The following EXOC4 variants were observed in gnomAD, a reference collection of about 807,000 sequenced individuals.
EXOC4 encodes SEC8-like 1.
In EXOC4, 71 loss-of-function variants were observed where a neutral mutation model predicts 107.2. The ratio of observed to expected loss-of-function variants is 0.66; its 90% CI spans 0.55 to 0.81. The LOEUF (loss-of-function observed/expected upper bound fraction) is 0.81, where lower values mean the gene tolerates loss of function less well. Among genes scored for constraint, EXOC4 ranks in the 30% least tolerant of loss-of-function variants. The pLI is 0.00. For synonymous variants in EXOC4, 456 were observed against 441.2 expected (o/e 1.03, Z -0.42); for missense variants, 1,108 against 1,189.6 (o/e 0.93, Z 1.01).
intron 9 of EXOC4, among the ~76,000 whole-genome samples, chr7:133,517,661 A>G (rs1799902967): frequency 1.3e-5 from 2 of 150,058 alleles, no homozygotes; most frequent in Non-Finnish European, 3.0e-5. Context: ...TCACTATCAT[A>G]AGAATAGCAT....
At chr7:133,787,982 T>A in intron 10 of EXOC4, among the ~76,000 whole-genome samples, 1 of 87,028 alleles carries the variant, frequency 1.1e-5, no homozygotes, top group African/African-American at 5.1e-5. Context: ...TATATATATA[T>A]ATATATATAT....
chr7:133,949,684 A>G lies in EXOC4; in HGVS notation c.2206+11615A>G, dbSNP rs1196531930. ...TGTGCCACAATTATCACTAATTTAAAAACAGTCCCTCTAATAGAGTATTTT... is the reference window on the plus strand; with the variant it reads ...TGTGCCACAATTATCACTAATTTAAGAACAGTCCCTCTAATAGAGTATTTT... On this transcript the variant is annotated intron_variant, in intron 14 of 17. Transcript: ENST00000253861. Among the ~76,000 whole-genome samples, 3 of 152,134 alleles carry G rather than the reference A, an allele frequency of 2.0e-5. No individual in the cohort carries two copies. In the South Asian group the frequency reaches 6.2e-4, roughly 32 times the overall value.
chr7:133,537,302 C>CCT (rs1800290803), intron 9 of EXOC4, among the ~76,000 whole-genome samples: 2 of 148,888 alleles, frequency 1.3e-5, no homozygotes, highest in Middle Eastern at 3.5e-3. Flanking sequence ...AGGCACCCCC[C>CCT]CCCCCACCAC....
intron 10 of EXOC4, among the ~76,000 whole-genome samples, chr7:133,803,902 C>T (rs1453758221): frequency 6.6e-6 from 1 of 152,072 alleles, no homozygotes; most frequent in Non-Finnish European, 1.5e-5. Context: ...CTTGAAGGAA[C>T]AAAGAACTGT....
At chr7:133,521,189 C>A (rs1456403936) in intron 9 of EXOC4, among the ~76,000 whole-genome samples, 1 of 152,100 alleles carries the variant, frequency 6.6e-6, no homozygotes, top group Non-Finnish European at 1.5e-5. Context: ...TCTAGAGCTG[C>A]TTTATGCTAT....
intron 7 of EXOC4, among the ~76,000 whole-genome samples, chr7:133,441,002 G>GGTC (rs201021823): frequency 0.85 from 128,893 of 151,642 alleles, 55,109 homozygotes; most frequent in East Asian, 0.95. Flanking sequence ...TCTCTTGGAT[G>GGTC]TGGATCAGGA....
chr7:133,824,120 T>C (rs1797641525), intron 11 of EXOC4, among the ~76,000 whole-genome samples: 1 of 150,736 alleles, frequency 6.6e-6, no homozygotes, highest in Non-Finnish European at 1.5e-5. Flanking sequence ...TGTACCTATT[T>C]CTTCCCCTAT....
chr7:133,882,771 G>C (rs1798992992), intron 11 of EXOC4, among the ~76,000 whole-genome samples: 1 of 152,172 alleles, frequency 6.6e-6, no homozygotes, highest in South Asian at 2.1e-4. Context: ...GAATCATAGA[G>C]AGGGAAGTAG....
chr7:133,377,661 C>A (rs1356377848), intron 7 of EXOC4, among the ~76,000 whole-genome samples: 1 of 152,008 alleles, frequency 6.6e-6, no homozygotes, highest in Non-Finnish European at 1.5e-5. Context: ...GAAACATAAA[C>A]CCACAGATGC....
intron 10 of EXOC4, among the ~76,000 whole-genome samples, chr7:133,696,647 G>A (rs971774688): frequency 6.6e-6 from 1 of 151,896 alleles, no homozygotes; most frequent in African/African-American, 2.4e-5. Flanking sequence ...TATAATCTTT[G>A]TTGTTGTTGT....
chr7:133,526,318 A>G (rs1328303714), intron 9 of EXOC4, among the ~76,000 whole-genome samples: 3 of 152,136 alleles, frequency 2.0e-5, no homozygotes, highest in African/African-American at 7.2e-5. Context: ...ATAAATCTTG[A>G]TGACTCTTTC....
chr7:133,773,468 T>G (rs1585135147), intron 10 of EXOC4, among the ~76,000 whole-genome samples: 2 of 146,734 alleles, frequency 1.4e-5, no homozygotes. Flanking sequence ...TAGGTTTTTA[T>G]TATTATTATT....
At chr7:133,671,792 G>C (rs906938775) in intron 10 of EXOC4, among the ~76,000 whole-genome samples, 5 of 152,070 alleles carry the variant, frequency 3.3e-5, no homozygotes, top group African/African-American at 9.7e-5. Flanking sequence ...ATATCGCAAA[G>C]GTTTTTCACT....
At chr7:133,457,032 T>G (rs963489459) in intron 7 of EXOC4, among the ~76,000 whole-genome samples, 1 of 152,208 alleles carries the variant, frequency 6.6e-6, no homozygotes, top group African/African-American at 2.4e-5. Flanking sequence ...GGGCAATACC[T>G]AACATAGTGC....
intron 9 of EXOC4, among the ~76,000 whole-genome samples, chr7:133,547,073 TTTA>T (rs1339188478): frequency 2.0e-5 from 3 of 152,210 alleles, no homozygotes. Context: ...TCCACTAAAC[TTTA>T]TTATTGTTCA....
Position 134,019,519 on chromosome 7 carries a change from T to C in EXOC4, c.2687+11684T>C, listed in dbSNP as rs556566871. 2.0e-5 allele frequency among the ~76,000 whole-genome samples: 3 copies of C among 152,284 alleles called. No individual in the cohort carries two copies. The East Asian group carries it at 5.8e-4, about 29-fold the overall frequency. ...TGATCTCAGCACATGACATGAACGT[T>C]AGTAAATGCTTTACCTACATTGGTT... On this transcript the variant is annotated intron_variant, in intron 17 of 17. Coordinates refer to ENST00000253861, the MANE Select transcript of EXOC4 (RefSeq NM_021807.4).
chr7:133,412,826 C>T (rs1399743923), intron 7 of EXOC4, among the ~76,000 whole-genome samples: 1 of 151,528 alleles, frequency 6.6e-6, no homozygotes, highest in Non-Finnish European at 1.5e-5. Flanking sequence ...TCTTTTTTTC[C>T]CATGAAAATA....
At chr7:133,481,420 A>G (rs994267357) in intron 9 of EXOC4, among the ~76,000 whole-genome samples, 2 of 152,150 alleles carry the variant, frequency 1.3e-5, no homozygotes, top group African/African-American at 4.8e-5. Context: ...CTCACGTAGC[A>G]TTTTGCAGTG....
intron 2 of EXOC4, among the ~76,000 whole-genome samples, chr7:133,287,437 A>G (rs1047801598): frequency 1.3e-5 from 2 of 151,962 alleles, no homozygotes; most frequent in Non-Finnish European, 2.9e-5. Flanking sequence ...CAGCCTCCCA[A>G]GTAGCTGGGA....
Sources: gnomAD v4.1 joint callset for allele counts (sites outside exome capture counted in the v4.1 genomes callset) on GRCh38, gnomAD v4.1.1 for gene constraint, MANE v1.5 for transcripts, NCBI Gene and HGNC (gene_info 2026-07-23, HGNC 2026-07-21) for gene names.